CUX1: variants seen among roughly 807,000 people sequenced by gnomAD.
The protein encoded by CUX1 is protein CASP.
In CUX1, 31 loss-of-function variants were observed where a neutral mutation model predicts 158.8. The observed-to-expected ratio is 0.20, with a 90% CI of 0.15 to 0.26. The LOEUF (loss-of-function observed/expected upper bound fraction) is 0.26, where lower values mean the gene tolerates loss of function less well. CUX1 is among the 10% of genes least tolerant of loss of function. The probability of loss-of-function intolerance (pLI) is 1.00; values close to 1 mark genes in which losing one functional copy is unlikely to be tolerated. For synonymous variants in CUX1, 879 were observed against 862.1 expected, an observed-to-expected ratio of 1.02 and a Z score of -0.34; for missense variants, 1,589 against 2,014.6, an observed-to-expected ratio of 0.79 and a Z score of 4.04.
Position 102,202,003 on chromosome 7 carries a change from C to T in CUX1, c.2706C>T (p.Arg902=). 6.2e-7 allele frequency: 1 copy of T among 1,614,068 alleles called. No homozygotes were observed. Among genetic ancestry groups the T allele is most frequent in the Non-Finnish European group, 8.5e-7 (1 of 1,179,998 alleles). ...AGCTGAGTCTGACCGGGGCCAGCCG[C>T]AGCGAGACACCACAGAACAGCCCCC... ...SSELSLTGAS[R]SETPQNSPLP... is the part of the protein sequence containing the mutation. Residue 902 remains arginine (R), a synonymous_variant, in exon 18 of 24, where the codon CGC becomes CGT. Coordinates refer to ENST00000292535, the MANE Select transcript of CUX1 (RefSeq NM_181552.4).
intron 4 of CUX1, among the ~76,000 whole-genome samples, chr7:102,091,336 T>TC (rs1554482139): frequency 6.6e-6 from 1 of 152,158 alleles, no homozygotes; most frequent in African/African-American, 2.4e-5. Context: ...TTTCTTTTTT[T>TC]CTCTCTGTTT....
intron 3 of CUX1, among the ~76,000 whole-genome samples, chr7:102,046,374 A>G (rs1822801862): frequency 6.6e-6 from 1 of 152,072 alleles, no homozygotes; most frequent in Non-Finnish European, 1.5e-5. Flanking sequence ...CTGGGATTAC[A>G]GGCACGCACC....
intron 20 of CUX1, among the ~76,000 whole-genome samples, chr7:102,205,912 C>A (rs1487944588): frequency 6.6e-6 from 1 of 152,182 alleles, no homozygotes; most frequent in African/African-American, 2.4e-5. Context: ...TGCGCCAATC[C>A]CACACTTGGA....
chr7:102,274,331 T>C (rs1554547132), intron 16 of CUX1: 3 of 1,603,510 alleles, frequency 1.9e-6, no homozygotes, highest in Admixed American at 1.7e-5. Context: ...GCCTGACCCA[T>C]GGGAGGAGGG....
chr7:102,017,598 C>G (rs1403821281), intron 2 of CUX1, among the ~76,000 whole-genome samples: 2 of 149,072 alleles, frequency 1.3e-5, no homozygotes, highest in Non-Finnish European at 2.9e-5. Flanking sequence ...TGTAACCCAG[C>G]GCTTCGGTAG....
intron 18 of CUX1, among the ~76,000 whole-genome samples, chr7:102,203,773 G>A (rs569068510): frequency 3.6e-4 from 55 of 152,194 alleles, no homozygotes; most frequent in Non-Finnish European, 1.3e-4. Context: ...ATATGGGAGC[G>A]TCAGAAAACT....
chr7:101,857,952 G>A lies in CUX1; in HGVS notation c.30+40283G>A, dbSNP rs1209249128. ...AGCCTGGCCAACATGGTGAAACCCC[G>A]TCTCTACTAAAAATACAAAAATTAG... On this transcript the variant is annotated intron_variant, in intron 1 of 23. Coordinates refer to ENST00000292535, the MANE Select transcript of CUX1 (RefSeq NM_181552.4). Among the ~76,000 whole-genome samples the A allele has an allele frequency of 4.6e-5, 7 of 152,130 alleles. No homozygotes were observed. In the East Asian group the frequency reaches 5.8e-4, roughly 13 times the overall value.
rs9691705 is a variant in CUX1, at chr7:102,248,086, G to A, written c.3888-326G>A. 0.079 allele frequency among the ~76,000 whole-genome samples: 12,030 copies of A among 152,228 alleles called. 707 individuals are homozygous for A. Among genetic ancestry groups the A allele is most frequent in the African/African-American group, 0.16 (6,622 of 41,512 alleles). On this transcript the variant is annotated intron_variant, in intron 23 of 23. Transcript: ENST00000292535. This position sits in a 1 kb window ranked among gnomAD's most constrained non-coding sequence, Gnocchi z 5.8. ...GCAGAGGTTGCAGTCTGCGGAGATT[G>A]AGCCACTGCACTCCACCTGGGCAGC...
intron 2 of CUX1, among the ~76,000 whole-genome samples, chr7:101,984,864 TTATTATA>T (rs1347673387): frequency 6.6e-6 from 1 of 152,236 alleles, no homozygotes; most frequent in Non-Finnish European, 1.5e-5. Flanking sequence ...AATCTTAATT[TTATTATA>T]TATTAAAGTT....
intron 8 of CUX1, among the ~76,000 whole-genome samples, chr7:102,126,221 T>C (rs1247716947): frequency 7.5e-6 from 1 of 133,098 alleles, no homozygotes; most frequent in Non-Finnish European, 1.6e-5. Context: ...GTATTTTTTG[T>C]AGAGACGGGG....
intron 9 of CUX1, among the ~76,000 whole-genome samples, chr7:102,159,298 A>G (rs546066722): frequency 1.2e-4 from 18 of 152,342 alleles, no homozygotes; most frequent in Non-Finnish European, 2.4e-4. Flanking sequence ...CATGGGTCGC[A>G]GCCACTTGCT....
intron 8 of CUX1, among the ~76,000 whole-genome samples, chr7:102,135,127 C>T (rs1419452181): frequency 6.6e-6 from 1 of 152,042 alleles, no homozygotes; most frequent in Non-Finnish European, 1.5e-5. Flanking sequence ...CACTGACCCC[C>T]GACACAGTGA....
intron 4 of CUX1, among the ~76,000 whole-genome samples, chr7:102,094,458 G>C (rs1554483324): frequency 6.6e-6 from 1 of 152,174 alleles, no homozygotes; most frequent in Non-Finnish European, 1.5e-5. Context: ...TGGTGTAAAG[G>C]TCTGGTTCCT....
intron 9 of CUX1, among the ~76,000 whole-genome samples, chr7:102,160,819 T>C (rs980426398): frequency 3.9e-5 from 6 of 152,130 alleles, no homozygotes; most frequent in African/African-American, 1.4e-4. Context: ...GTTAAATGGG[T>C]ACAGAGTTTT....
chr7:102,121,255 C>T (rs1554493372), intron 8 of CUX1, among the ~76,000 whole-genome samples: 1 of 152,088 alleles, frequency 6.6e-6, no homozygotes, highest in Admixed American at 6.6e-5. Flanking sequence ...GCAACCTCCA[C>T]CTCCCGGGTT....
In CUX1 at chr7:102,249,308, C is replaced by G; in HGVS notation, c.*266C>G. The G allele has an allele frequency of 8.7e-6, 9 of 1,031,120 alleles. No individual in the cohort carries two copies. Among genetic ancestry groups the G allele is most frequent in the Non-Finnish European group, 1.0e-5 (9 of 858,976 alleles). 63.9% of individuals were successfully genotyped at this position (1,031,120 alleles called of 1,614,324 possible). ...CACCAACCCCGCGGCCCAGACCCAG[C>G]CCGCGGCCTGGACCCCTGGACCGCT... On this transcript the variant is annotated 3_prime_UTR_variant, in exon 24 of 24. Coordinates refer to ENST00000292535, the MANE Select transcript of CUX1 (RefSeq NM_181552.4).
At chr7:101,881,393 A>G (rs2131559914) in intron 1 of CUX1, among the ~76,000 whole-genome samples, 1 of 152,320 alleles carries the variant, frequency 6.6e-6, no homozygotes, top group South Asian at 2.1e-4. Context: ...TTCCAGCATC[A>G]AAAGCAGCTT....
rs1179479561 is a variant in CUX1, at chr7:102,249,483, G to GT, written c.*449dup. 19 of 984,726 alleles carry GT rather than the reference G, an allele frequency of 1.9e-5. No homozygotes were observed. The highest frequency in any genetic ancestry group is 5.2e-4 in the Middle Eastern group (1 of 1,938). The allele number at this position is 984,726 out of a possible 1,614,324, so 61.0% of individuals were successfully genotyped here. On this transcript the variant is annotated 3_prime_UTR_variant, in exon 24 of 24. Transcript: ENST00000292535. ...GTCGAGCTTTTTTGTACCCTGAAGTGTTTTTTTTATTGCCCTAAGTGATTT... is the reference window on the plus strand; with the variant it reads ...GTCGAGCTTTTTTGTACCCTGAAGTGTTTTTTTTTATTGCCCTAAGTGATTT...
At chr7:102,132,135 T>C (rs1253315044) in intron 8 of CUX1, among the ~76,000 whole-genome samples, 1 of 140,844 alleles carries the variant, frequency 7.1e-6, no homozygotes, top group Non-Finnish European at 1.5e-5. Flanking sequence ...TTTGTGGAGA[T>C]GGATGGGCGG....
Sources: allele counts gnomAD v4.1 joint callset (sites outside exome capture counted in the v4.1 genomes callset), GRCh38; gene constraint gnomAD v4.1.1; non-coding constraint Gnocchi (gnomAD v3.1); transcripts MANE v1.5; gene names NCBI Gene and HGNC (gene_info 2026-07-23, HGNC 2026-07-21).